Variants in DPEP2 observed in about 807,000 individuals in gnomAD.
DPEP2 encodes dipeptidase 2.
A neutral mutation model predicts 51.8 loss-of-function variants in DPEP2; 45 were observed. That is an observed-to-expected ratio of 0.87 (90% CI 0.68 to 1.11). The LOEUF (loss-of-function observed/expected upper bound fraction) is 1.11. Ranked by LOEUF, DPEP2 falls within the 50% of genes most tolerant of loss-of-function variation. The pLI, the probability that DPEP2 is intolerant of heterozygous loss-of-function variation, is 0.00. For synonymous variants in DPEP2, 255 were observed against 262.7 expected (o/e 0.97, Z 0.28); for missense variants, 604 against 631.9 (o/e 0.96, Z 0.47).
chr16:68,000,384 G>A (rs1277321912), upstream of DPEP2: 10 of 964,188 alleles, frequency 1.0e-5, no homozygotes, highest in Non-Finnish European at 1.2e-5. Flanking sequence ...GTCAGGCTGA[G>A]TTATAGCTGC....
At chr16:67,988,287 G>A (rs1301392235) in intron 9 of DPEP2, among the ~76,000 whole-genome samples, 2 of 152,172 alleles carry the variant, frequency 1.3e-5, no homozygotes, top group Admixed American at 6.5e-5. Flanking sequence ...GCTCACACCT[G>A]TAATCCCAGC....
rs1475986745 is a variant in DPEP2, at chr16:67,990,118, C to A, written c.923G>T (p.Gly308Val). 1 of 1,614,116 alleles carries A rather than the reference C, an allele frequency of 6.2e-7. No individual in the cohort carries two copies. Among genetic ancestry groups the A allele is most frequent in the East Asian group, 2.2e-5 (1 of 44,882 alleles). ...CATGGACAAAGACACCATCACGACG[C>A]CACCGTTCTTCTTCTGCAGGGGCGG... is the stretch of plus-strand genomic sequence containing the variant. ...DILQLLKKNG[G>V]VVMVSLSMGV... is the part of the protein sequence containing the mutation. Residue 308 changes from glycine to valine, a missense_variant, in exon 8 of 11, where the codon GGC becomes GTC. Gly to Val is a moderately radical substitution (Grantham distance 109, BLOSUM62 -3). Coordinates refer to ENST00000393847, the MANE Select transcript of DPEP2 (RefSeq NM_022355.4).
chr16:67,997,570 A>G (rs1276609883), intron 1 of DPEP2, among the ~76,000 whole-genome samples: 1 of 151,620 alleles, frequency 6.6e-6, no homozygotes, highest in Non-Finnish European at 1.5e-5. Context: ...GTTAGCCAGG[A>G]TGGTCTTGAT....
rs777466466 is a variant in DPEP2, at chr16:67,992,972, G to A, written c.241C>T (p.Arg81Trp). 3 of 1,611,298 alleles carry A rather than the reference G, an allele frequency of 1.9e-6. No homozygotes were observed. Among genetic ancestry groups the A allele is most frequent in the Non-Finnish European group, 2.5e-6 (3 of 1,178,736 alleles). The part of the protein sequence containing the change: ...GLQEQARALM[R>W]DFPLVDGHND... ...CACCCGTCCACGAGCGGGAAGTCCCGCATCAGGGCCCGTGCCTGCTCTTGC... is the reference window on the plus strand; with the variant it reads ...CACCCGTCCACGAGCGGGAAGTCCCACATCAGGGCCCGTGCCTGCTCTTGC... Residue 81 changes from arginine to tryptophan, a missense_variant, in exon 2 of 11, where the codon CGG becomes TGG. By Grantham distance (101) the Arg-to-Trp change is moderately radical. Coordinates refer to ENST00000393847, the MANE Select transcript of DPEP2 (RefSeq NM_022355.4).
At position 67,992,009 on chromosome 16, in the gene DPEP2, T is replaced by C. The variant is rs1305465971; in HGVS notation, c.521-30A>G. 4.3e-6 allele frequency: 7 copies of C among 1,613,974 alleles called. No individual in the cohort carries two copies. In the South Asian group the frequency reaches 6.6e-5, roughly 15 times the overall value. ...GGGCAGGTAGGTCAGGTGATTACTT[T>C]CCAGGGCTGGAGTAGCTCAATCAAG... On this transcript the variant is annotated intron_variant, in intron 4 of 10. Transcript: ENST00000393847.
Position 67,992,586 on chromosome 16 carries a change from T to C in DPEP2, c.314A>G (p.Gln105Arg), listed in dbSNP as rs895927796. 1 of 1,614,184 alleles carries C rather than the reference T, an allele frequency of 6.2e-7. No homozygotes were observed. The highest frequency in any genetic ancestry group is 1.1e-5 in the South Asian group (1 of 91,082). ...VLRQVYQKGL[Q>R]DVNLRNFSYG... ...GCTGAAATTGCGCAGGTTAACATCC[T>C]GTAGCCCTTTCTGGTAAACCTGCCT... Residue 105 changes from glutamine (Q) to arginine (R), a missense_variant, in exon 3 of 11, where the codon CAG becomes CGG. Physicochemically the swap from Gln to Arg is conservative, Grantham distance 43. Coordinates refer to ENST00000393847, the MANE Select transcript of DPEP2 (RefSeq NM_022355.4).
rs754369932 is a variant in DPEP2, at chr16:67,992,528, A to G, written c.372T>C (p.Asp124=). ...YGQTSLDRLR[D]GLVGAQFWSA... ...GTGGTACCTGGGCGCCCACGAGGCCATCTCTAAGCCTGTCCAGGCTGGTCT... is the reference window on the plus strand; with the variant it reads ...GTGGTACCTGGGCGCCCACGAGGCCGTCTCTAAGCCTGTCCAGGCTGGTCT... Residue 124 remains aspartate (D), a synonymous_variant, in exon 3 of 11, where the codon GAT becomes GAC. Transcript: ENST00000393847. 2 of 1,611,968 alleles carry G rather than the reference A, an allele frequency of 1.2e-6. No homozygotes were observed. Among genetic ancestry groups the G allele is most frequent in the Non-Finnish European group, 1.7e-6 (2 of 1,178,546 alleles).
intron 3 of DPEP2, 108 bp downstream of exon 3, chr16:67,992,395 TGGGTCAC>T: frequency 6.7e-7 from 1 of 1,491,006 alleles, no homozygotes; most frequent in Non-Finnish European, 9.0e-7. Context: ...TGACACTTTT[TGGGTCAC>T]TATGGTAACT....
Position 67,991,682 on chromosome 16 carries a change from G to A in DPEP2, c.662+156C>T. Reference sequence around the variant, plus strand: ...CATGAGCCACCGCGTCTGGCCAGGGGTCAAGTCGTATTCTGAAAACCAGAA... The same window carrying A: ...CATGAGCCACCGCGTCTGGCCAGGGATCAAGTCGTATTCTGAAAACCAGAA... On this transcript the variant is annotated intron_variant, in intron 5 of 10. Transcript: ENST00000393847. This position sits in a 1 kb window ranked among gnomAD's most constrained non-coding sequence, Gnocchi z 5.1. 8.5e-7 allele frequency: 1 copy of A among 1,180,068 alleles called. No individual in the cohort carries two copies. The highest frequency in any genetic ancestry group is 1.2e-6 in the Non-Finnish European group (1 of 863,702). The allele number at this position is 1,180,068 out of a possible 1,614,324, so 73.1% of individuals were successfully genotyped here. A position where few individuals can be genotyped will look rare whatever the true frequency, so the allele number is the denominator to read the frequency against.
At chr16:67,992,011 C>T in intron 4 of DPEP2, 32 bp from the exon 5 acceptor site, 1 of 1,613,892 alleles carries the variant, frequency 6.2e-7, no homozygotes. Flanking sequence ...GATTACTTTC[C>T]AGGGCTGGAG....
chr16:67,991,870 G>A lies in DPEP2; in HGVS notation c.630C>T (p.Tyr210=). 5.6e-6 allele frequency: 9 copies of A among 1,614,180 alleles called. No homozygotes were observed. The highest frequency in any genetic ancestry group is 1.6e-4 in the Middle Eastern group (1 of 6,062). The change falls in exon 5 of 11, where the codon TAC becomes TAT. Residue 210 remains tyrosine, a synonymous_variant. Transcript: ENST00000393847. The surrounding 1 kb of genome is among the most constrained non-coding windows in gnomAD (Gnocchi z 5.1). ...LRTFYMLGVR[Y]LTLTHTCNTP... ...TGTTGCAGGTGTGGGTGAGCGTCAG[G>A]TAGCGCACTCCCAGCATGTAGAAGG...
At chr16:67,994,879 C>G (rs893911408) in intron 1 of DPEP2, 3 of 985,362 alleles carry the variant, frequency 3.0e-6, no homozygotes, top group African/African-American at 1.7e-5. Flanking sequence ...TTAACTGTCA[C>G]GTCTACTGCT....
chr16:68,000,413 T>TCAGAGC (rs1339964044), upstream of DPEP2: 1 of 984,724 alleles, frequency 1.0e-6, no homozygotes, highest in Non-Finnish European at 1.2e-6. Flanking sequence ...CCTCCCATGC[T>TCAGAGC]CAGAGCGCAG....
chr16:67,994,229 G>A (rs937081412), intron 1 of DPEP2: 65 of 985,392 alleles, frequency 6.6e-5, no homozygotes, highest in South Asian at 2.3e-4. Flanking sequence ...CCCCGGCCTC[G>A]TCCAGGTCAG....
intron 1 of DPEP2, chr16:67,993,581 C>T: frequency 9.8e-7 from 1 of 1,021,572 alleles, no homozygotes; most frequent in South Asian, 4.4e-5. Flanking sequence ...TGCCCCTAGG[C>T]TCTCTCTCTA....
intron 1 of DPEP2, among the ~76,000 whole-genome samples, chr16:67,998,256 C>T (rs1258806552): frequency 6.6e-6 from 1 of 151,718 alleles, no homozygotes; most frequent in Non-Finnish European, 1.5e-5. Flanking sequence ...GCGGCGCTTG[C>T]GGGCCAGCTG....
chr16:67,996,358 A>AT (rs2032695923), intron 1 of DPEP2, among the ~76,000 whole-genome samples: 1 of 151,164 alleles, frequency 6.6e-6, no homozygotes, highest in Non-Finnish European at 1.5e-5. Flanking sequence ...AACTTTTTGA[A>AT]TTTTTTTTCT....
rs1049544048 is a variant in DPEP2 at position 67,999,038 on chromosome 16, C to G, written c.-46+337G>C. Among the ~76,000 whole-genome samples, 21 of 152,268 alleles carry G rather than the reference C, an allele frequency of 1.4e-4. No individual in the cohort carries two copies. In the East Asian group the frequency reaches 2.9e-3, roughly 21 times the overall value. On this transcript the variant is annotated intron_variant, in intron 1 of 10. Transcript: ENST00000393847. ...AGAGAATAAAAGCAGGCTGCCTGAG[C>G]CCGCAGTGGCTACCTGTTCTGGTCC...
intron 1 of DPEP2, 35 bp downstream of exon 1, chr16:67,999,340 C>G (rs948197220): frequency 6.1e-6 from 2 of 325,366 alleles, no homozygotes; most frequent in Non-Finnish European, 8.8e-6. Flanking sequence ...TCCAAACATC[C>G]AAACATCAAA....
Sources: allele counts gnomAD v4.1 joint callset (sites outside exome capture counted in the v4.1 genomes callset), GRCh38; gene constraint gnomAD v4.1.1; non-coding constraint Gnocchi (gnomAD v3.1); transcripts MANE v1.5; gene names NCBI Gene and HGNC (gene_info 2026-07-23, HGNC 2026-07-21).